TRIO: variants seen among roughly 807,000 people sequenced by gnomAD.
TRIO encodes trio Rho guanine nucleotide exchange factor, also known as triple functional domain protein.
In TRIO, 58 loss-of-function variants were observed where a neutral mutation model predicts 351.9. The observed-to-expected ratio is 0.16, with a 90% CI of 0.13 to 0.21. TRIO has a LOEUF of 0.21. Among genes scored for constraint, TRIO ranks in the 10% least tolerant of loss-of-function variants. TRIO has a pLI of 1.00. For synonymous variants in TRIO, 1,758 were observed against 1,595.7 expected (o/e 1.10, Z -2.42); for missense variants, 3,201 against 4,027.8 (o/e 0.79, Z 5.56).
intron 1 of TRIO, among the ~76,000 whole-genome samples, chr5:14,208,475 G>A (rs778475481): frequency 6.6e-6 from 1 of 152,180 alleles, no homozygotes; most frequent in Non-Finnish European, 1.5e-5. Flanking sequence ...AGGCAAAAAA[G>A]CATTTCAGTG....
intron 11 of TRIO, among the ~76,000 whole-genome samples, chr5:14,357,817 C>T (rs891911237): frequency 3.3e-5 from 5 of 152,192 alleles, no homozygotes; most frequent in East Asian, 1.9e-4. Context: ...GATGTTTCTG[C>T]GAACTGAGGG....
Position 14,482,664 on chromosome 5 carries a change from G to A in TRIO, c.6548G>A (p.Cys2183Tyr). The A allele has an allele frequency of 6.2e-7, 1 of 1,610,218 alleles. No homozygotes were observed. The highest frequency in any genetic ancestry group is 8.5e-7 in the Non-Finnish European group (1 of 1,177,492). Reference sequence around the variant, plus strand: ...CAAGATGCAGGACTTCTGCCTCGCTGCAGAGAGAGGCGCATCTTCCTCTTT... The same window carrying A: ...CAAGATGCAGGACTTCTGCCTCGCTACAGAGAGAGGCGCATCTTCCTCTTT... ...TDQDAGLLPRCRERRIFLFEQ... is the reference protein window; with the variant it reads ...TDQDAGLLPRYRERRIFLFEQ... The change falls in exon 46 of 57, where the codon TGC becomes TAC. Residue 2183 changes from cysteine (C) to tyrosine (Y), a missense_variant. Physicochemically the swap from Cys to Tyr is radical, Grantham distance 194 (BLOSUM62 -2). Transcript: ENST00000344204.
Position 14,293,199 on chromosome 5 carries a change from G to A in TRIO, c.1176+65G>A, listed in dbSNP as rs541238304. 56 of 1,608,412 alleles carry A rather than the reference G, an allele frequency of 3.5e-5. 1 individual carries two copies. In the South Asian group the frequency reaches 6.0e-4, roughly 17 times the overall value. On this transcript the variant is annotated intron_variant, in intron 6 of 56. Transcript: ENST00000344204. ...TGTTTTAGCAAATGGGAGGCATTTG[G>A]CAAATTGTATGCTAGGGCTTTCAAG...
intron 11 of TRIO, among the ~76,000 whole-genome samples, chr5:14,350,151 G>A (rs1184969695): frequency 1.3e-5 from 2 of 152,144 alleles, no homozygotes; most frequent in African/African-American, 4.8e-5. Flanking sequence ...TGCTCTGCCC[G>A]CAGAGTTCAA....
Position 14,409,458 on chromosome 5 carries a change from C to CT in TRIO, c.4959+2787dup, listed in dbSNP as rs145248326. Among the ~76,000 whole-genome samples, 1,188 of 151,824 alleles carry CT rather than the reference C, an allele frequency of 7.8e-3. 19 individuals are homozygous for CT. The highest frequency in any genetic ancestry group is 0.027 in the African/African-American group (1,135 of 41,376). ...TTAAGAAAACTCCCTATGAGATACTCTATCTGTGAAGATGATTCACCAGTT... is the reference window on the plus strand; with the variant it reads ...TTAAGAAAACTCCCTATGAGATACTCTTATCTGTGAAGATGATTCACCAGTT... On this transcript the variant is annotated intron_variant, in intron 33 of 56. Coordinates refer to ENST00000344204, the MANE Select transcript of TRIO (RefSeq NM_007118.4).
At position 14,387,427 on chromosome 5, in the gene TRIO, G is replaced by T; in HGVS notation, c.3571-11G>T. 4.4e-6 allele frequency: 7 copies of T among 1,595,160 alleles called. No homozygotes were observed. The highest frequency in any genetic ancestry group is 6.0e-6 in the Non-Finnish European group (7 of 1,169,420). On this transcript the variant is annotated splice_polypyrimidine_tract_variant and intron_variant, in intron 21 of 56. Coordinates refer to ENST00000344204, the MANE Select transcript of TRIO (RefSeq NM_007118.4). Reference sequence around the variant, plus strand: ...ATTTGCCTCACAATACTTTCCTGTTGTTTTTTGCAGCAAACCAAAGAGAGA... The same window carrying T: ...ATTTGCCTCACAATACTTTCCTGTTTTTTTTTGCAGCAAACCAAAGAGAGA...
chr5:14,164,060 T>TG (rs1288546974), intron 1 of TRIO, among the ~76,000 whole-genome samples: 1 of 152,186 alleles, frequency 6.6e-6, no homozygotes, highest in Non-Finnish European at 1.5e-5. Flanking sequence ...CTTATACTAA[T>TG]GGGGGTTTCT....
At position 14,510,010 on chromosome 5, in the gene TRIO, C is replaced by A. The variant is rs1057074576; in HGVS notation, c.*1588C>A. On this transcript the variant is annotated 3_prime_UTR_variant, in exon 57 of 57. Coordinates refer to ENST00000344204, the MANE Select transcript of TRIO (RefSeq NM_007118.4). ...GAAACTTTTTAAAAGAAATTGGATT[C>A]GAAACTGGATGTGTATTCGTAACCT... The A allele has an allele frequency of 6.6e-6, 1 of 152,112 alleles. No individual in the cohort carries two copies. The highest frequency in any genetic ancestry group is 2.4e-5 in the African/African-American group (1 of 41,420). The allele number at this position is 152,112 out of a possible 1,614,324, so 9.4% of individuals were successfully genotyped here.
chr5:14,471,544 A>G, intron 38 of TRIO, 78 bp downstream of exon 38: 4 of 1,580,722 alleles, frequency 2.5e-6, no homozygotes, highest in Non-Finnish European at 3.4e-6. Context: ...TGTGACTGAG[A>G]TTCAGCTCTG....
intron 27 of TRIO, 68 bp from the exon 28 acceptor site, chr5:14,393,970 G>GT: frequency 2.8e-6 from 3 of 1,061,890 alleles, no homozygotes; most frequent in Non-Finnish European, 4.2e-6. Context: ...AAAGTAATGT[G>GT]TTTTATGGCC....
chr5:14,487,990 TTCGCCGCTGAAC>T lies in TRIO; in HGVS notation c.7371_7382del (p.Asn2458_Leu2461del), dbSNP rs1323308869. The T allele has an allele frequency of 6.4e-7, 1 of 1,561,434 alleles. No homozygotes were observed. ...TTGGGAAGCCCCGGGCCGGGGCCGC[TTCGCCGCTGAAC>T]TCGCCGCTCTCCAGCGCGGTCCCTT... On this transcript the variant is annotated inframe_deletion, in exon 48 of 57. Coordinates refer to ENST00000344204, the MANE Select transcript of TRIO (RefSeq NM_007118.4).
chr5:14,320,127 A>G (rs61284204), intron 9 of TRIO, among the ~76,000 whole-genome samples: 15,218 of 151,990 alleles, frequency 0.1, 1,288 homozygotes, highest in African/African-American at 0.23. Flanking sequence ...TCAGATATAT[A>G]CATCTCTCCA....
chr5:14,461,690 A>G (rs1753821564), intron 35 of TRIO, among the ~76,000 whole-genome samples: 1 of 152,146 alleles, frequency 6.6e-6, no homozygotes, highest in African/African-American at 2.4e-5. Flanking sequence ...TCTGCAGAAG[A>G]TTTGGGCAGT....
intron 48 of TRIO, among the ~76,000 whole-genome samples, chr5:14,490,605 C>G (rs1436472939): frequency 6.6e-6 from 1 of 152,220 alleles, no homozygotes; most frequent in Non-Finnish European, 1.5e-5. Flanking sequence ...CTTGCACAGG[C>G]CAGGTGGCCA....
chr5:14,316,789 G>T, intron 9 of TRIO, 46 bp downstream of exon 9: 1 of 1,555,564 alleles, frequency 6.4e-7, no homozygotes. Flanking sequence ...GGCTTGTGTT[G>T]AGTAGAGTTT....
chr5:14,213,018 A>AACAACACGG (rs1792001934), intron 1 of TRIO, among the ~76,000 whole-genome samples: 1 of 152,206 alleles, frequency 6.6e-6, no homozygotes, highest in African/African-American at 2.4e-5. Flanking sequence ...GTTGCTGTTG[A>AACAACACGG]ACAACACGGA....
Position 14,294,958 on chromosome 5 carries a change from C to G in TRIO, c.1176+1824C>G, listed in dbSNP as rs1237882757. On this transcript the variant is annotated intron_variant, in intron 6 of 56. Transcript: ENST00000344204. ...GGGGTCGAATATATTTTCTAATTTTCTACAATATACTTCTGTTACTTTTCT... is the reference window on the plus strand; with the variant it reads ...GGGGTCGAATATATTTTCTAATTTTGTACAATATACTTCTGTTACTTTTCT... Among the ~76,000 whole-genome samples the G allele has an allele frequency of 2.6e-5, 4 of 152,182 alleles. No individual in the cohort carries two copies. The East Asian group carries it at 7.7e-4, about 29-fold the overall frequency.
intron 1 of TRIO, among the ~76,000 whole-genome samples, chr5:14,173,658 G>A (rs1359459937): frequency 1.3e-5 from 2 of 152,124 alleles, no homozygotes; most frequent in Non-Finnish European, 2.9e-5. Context: ...TAAGGATTGG[G>A]GGCACCGTTC....
At position 14,265,396 on chromosome 5, in the gene TRIO, G is replaced by T. The variant is rs1795613952; in HGVS notation, c.158-5429G>T. Among the ~76,000 whole-genome samples, 3 of 151,664 alleles carry T rather than the reference G, an allele frequency of 2.0e-5. No individual in the cohort carries two copies. In the South Asian group the frequency reaches 6.2e-4, roughly 32 times the overall value. The stretch of plus-strand genomic sequence containing the variant: ...ATTACTAGTATCTGCCAGTGTCCTG[G>T]GAGAAATACAGGATTAAAAAAATAA... On this transcript the variant is annotated intron_variant, in intron 1 of 56. Transcript: ENST00000344204.
Sources: gnomAD v4.1 joint callset for allele counts (sites outside exome capture counted in the v4.1 genomes callset) on GRCh38, gnomAD v4.1.1 for gene constraint, MANE v1.5 for transcripts, NCBI Gene and HGNC (gene_info 2026-07-23, HGNC 2026-07-21) for gene names.